Variants in HUNK observed in about 807,000 individuals in gnomAD.
HUNK encodes hormonally up-regulated Neu-associated kinase.
A neutral mutation model predicts 61.0 loss-of-function variants in HUNK; 21 were observed. The ratio of observed to expected loss-of-function variants is 0.34; its 90% CI spans 0.24 to 0.50. HUNK has a LOEUF of 0.50. Among genes scored for constraint, HUNK ranks in the 20% least tolerant of loss-of-function variants. The pLI is 0.98. For synonymous variants in HUNK, 371 were observed against 386.1 expected (o/e 0.96, Z 0.46); for missense variants, 772 against 945.7 (o/e 0.82, Z 2.41).
intron 8 of HUNK, among the ~76,000 whole-genome samples, chr21:31,984,078 G>A (rs2053116503): frequency 2.6e-5 from 4 of 152,312 alleles, no homozygotes; most frequent in Middle Eastern, 3.4e-3. Flanking sequence ...TAGAGGCTTG[G>A]AATGGCAGGG....
chr21:31,974,698 T>G lies in HUNK; in HGVS notation c.1154T>G (p.Leu385Arg). 1 of 1,613,700 alleles carries G rather than the reference T, an allele frequency of 6.2e-7. No individual in the cohort carries two copies. Among genetic ancestry groups the G allele is most frequent in the South Asian group, 1.1e-5 (1 of 91,014 alleles). The change falls in exon 7 of 11, where the codon CTG becomes CGG. Residue 385 changes from leucine to arginine, a missense_variant. Physicochemically the swap from Leu to Arg is moderately radical, Grantham distance 102 (BLOSUM62 -2). Around this residue, in one of 2 missense-constraint regions of HUNK, gnomAD observed 413 missense variants for 444.4 expected, o/e 0.93. Coordinates refer to ENST00000270112, the MANE Select transcript of HUNK (RefSeq NM_014586.2). ...ATCTACTTCCTCTTAAACAAGAAAC[T>G]GGAGCGCTATTTGTCAGGGGTAAGT... is the stretch of plus-strand genomic sequence containing the variant. ...LAIYFLLNKK[L>R]ERYLSGKSDI...
chr21:31,884,099 G>T (rs1019634251), intron 1 of HUNK, among the ~76,000 whole-genome samples: 1 of 152,150 alleles, frequency 6.6e-6, no homozygotes, highest in Non-Finnish European at 1.5e-5. Flanking sequence ...ATCTCTTCAT[G>T]GGAAAGGTGG....
At position 31,873,643 on chromosome 21, in the gene HUNK, G is replaced by T. The variant is rs939189583; in HGVS notation, c.-32G>T. The T allele has an allele frequency of 3.5e-4, 330 of 938,550 alleles. No individual in the cohort carries two copies. The highest frequency in any genetic ancestry group is 4.7e-4 in the Admixed American group (5 of 10,612). 58.1% of individuals were successfully genotyped at this position (938,550 alleles called of 1,614,324 possible). A position where few individuals can be genotyped will look rare whatever the true frequency, so the allele number is the denominator to read the frequency against. ...AGGAGGAGCTGCGAGCGCGGGAGAC[G>T]AGCAGGAGCCGCGCGGGCCGCGGCG... On this transcript the variant is annotated 5_prime_UTR_variant, in exon 1 of 11. Transcript: ENST00000270112. This position sits in a 1 kb window ranked among gnomAD's most constrained non-coding sequence, Gnocchi z 6.1.
chr21:31,973,212 G>C (rs969759523), intron 6 of HUNK, among the ~76,000 whole-genome samples: 1 of 151,658 alleles, frequency 6.6e-6, no homozygotes, highest in African/African-American at 2.4e-5. Flanking sequence ...TGTGCACAAC[G>C]TGCAGGTTTG....
intron 1 of HUNK, among the ~76,000 whole-genome samples, chr21:31,874,538 G>A (rs2052245071): frequency 6.6e-6 from 1 of 152,014 alleles, no homozygotes; most frequent in Admixed American, 6.5e-5. Flanking sequence ...CCCTCCACTT[G>A]TCCATCCCTC....
chr21:31,917,750 A>T (rs1020881061), intron 1 of HUNK, among the ~76,000 whole-genome samples: 4 of 132,484 alleles, frequency 3.0e-5, no homozygotes, highest in African/African-American at 1.1e-4. Flanking sequence ...ACACACACAC[A>T]CACACACCCC....
intron 2 of HUNK, among the ~76,000 whole-genome samples, chr21:31,934,462 A>T (rs2052719199): frequency 6.6e-6 from 1 of 151,712 alleles, no homozygotes; most frequent in Non-Finnish European, 1.5e-5. Context: ...AAAAAAAAAA[A>T]ATACACGAAC....
chr21:31,973,041 C>CA (rs2053022625), intron 6 of HUNK, among the ~76,000 whole-genome samples: 1 of 152,118 alleles, frequency 6.6e-6, no homozygotes, highest in Non-Finnish European at 1.5e-5. Flanking sequence ...AGGTTCTATC[C>CA]AAATGTCTTC....
intron 1 of HUNK, among the ~76,000 whole-genome samples, chr21:31,911,631 CTAGA>C (rs2052546424): frequency 6.6e-6 from 1 of 152,046 alleles, no homozygotes; most frequent in African/African-American, 2.4e-5. Flanking sequence ...TCCTGTCCCT[CTAGA>C]TTCGCTGCTC....
chr21:31,924,838 C>G lies in HUNK; in HGVS notation c.554+78C>G, dbSNP rs1371400974. ...CTGGGCTGTGGCACCCTCTGAGCCT[C>G]TGAGAAAGGCTGAGCAATTGCAGCC... On this transcript the variant is annotated intron_variant, in intron 2 of 10. Coordinates refer to ENST00000270112, the MANE Select transcript of HUNK (RefSeq NM_014586.2). The surrounding 1 kb of genome is among the most constrained non-coding windows in gnomAD (Gnocchi z 5.1). The G allele has an allele frequency of 1.8e-6, 2 of 1,117,644 alleles. No individual in the cohort carries two copies. The highest frequency in any genetic ancestry group is 2.5e-6 in the Non-Finnish European group (2 of 784,326). The allele number at this position is 1,117,644 out of a possible 1,614,324, so 69.2% of individuals were successfully genotyped here.
intron 1 of HUNK, among the ~76,000 whole-genome samples, chr21:31,913,180 G>C (rs1447899963): frequency 2.0e-5 from 3 of 152,186 alleles, no homozygotes; most frequent in Non-Finnish European, 4.4e-5. Context: ...GCGTGTGTGT[G>C]ATGGGTGTGA....
intron 2 of HUNK, among the ~76,000 whole-genome samples, chr21:31,934,178 G>T (rs1308143271): frequency 6.6e-6 from 1 of 151,206 alleles, no homozygotes; most frequent in Non-Finnish European, 1.5e-5. Context: ...TACTGAGGCT[G>T]GGCGCGGTGG....
At chr21:31,981,392 TG>T (rs2053096634) in intron 7 of HUNK, among the ~76,000 whole-genome samples, 1 of 151,924 alleles carries the variant, frequency 6.6e-6, no homozygotes, top group Non-Finnish European at 1.5e-5. Context: ...TCTGTTTCTG[TG>T]AAAAACGTCA....
intron 1 of HUNK, among the ~76,000 whole-genome samples, chr21:31,903,687 A>G (rs1276259947): frequency 1.3e-5 from 2 of 152,248 alleles, no homozygotes; most frequent in African/African-American, 4.8e-5. Flanking sequence ...CTATTAAATA[A>G]AATTTACCCC....
chr21:31,943,172 A>G (rs1342588031), intron 3 of HUNK, among the ~76,000 whole-genome samples: 2 of 152,156 alleles, frequency 1.3e-5, no homozygotes, highest in South Asian at 2.1e-4. Context: ...GTTTAAATAA[A>G]TCTACTTAAG....
chr21:31,877,488 C>G (rs891695074), intron 1 of HUNK, among the ~76,000 whole-genome samples: 1 of 152,204 alleles, frequency 6.6e-6, no homozygotes, highest in Admixed American at 6.5e-5. Flanking sequence ...CTAGATGGCT[C>G]TTTTACTGCT....
At chr21:31,951,767 A>G (rs1260486505) in intron 4 of HUNK, among the ~76,000 whole-genome samples, 1 of 152,186 alleles carries the variant, frequency 6.6e-6, no homozygotes, top group African/African-American at 2.4e-5. Flanking sequence ...TTCAGGAGGG[A>G]GAGTGAGAGA....
chr21:31,983,796 C>T (rs1407532233), intron 8 of HUNK, among the ~76,000 whole-genome samples, 187 bp downstream of exon 8: 2 of 152,204 alleles, frequency 1.3e-5, no homozygotes, highest in African/African-American at 4.8e-5. Flanking sequence ...AACCATGGTT[C>T]TCAGCTGTGG....
At chr21:31,998,470 G>A in intron 10 of HUNK, 56 bp from the exon 11 acceptor site, 2 of 1,446,398 alleles carry the variant, frequency 1.4e-6, no homozygotes, top group Non-Finnish European at 1.9e-6. Flanking sequence ...GCAGGAGAAG[G>A]GCCGTGAGCA....
Sources: allele counts gnomAD v4.1 joint callset (sites outside exome capture counted in the v4.1 genomes callset), GRCh38; gene constraint gnomAD v4.1.1; regional missense constraint gnomAD v4.1.1; non-coding constraint Gnocchi (gnomAD v3.1); transcripts MANE v1.5; gene names NCBI Gene and HGNC (gene_info 2026-07-23, HGNC 2026-07-21).